Variants in MXRA5 observed in about 807,000 individuals in gnomAD.
MXRA5 encodes the protein matrix remodeling associated 5.
Under a neutral mutation model 112.5 loss-of-function variants are expected in MXRA5, and 41 were observed. That is an observed-to-expected ratio of 0.36 (90% CI 0.28 to 0.47). The LOEUF is 0.47. Among genes scored for constraint, MXRA5 ranks in the 20% least tolerant of loss-of-function variants. The probability of loss-of-function intolerance (pLI) is 0.99; values close to 1 mark genes in which losing one functional copy is unlikely to be tolerated. For missense variants in MXRA5, 2,150 were observed against 2,251.0 expected (o/e 0.96, Z 0.91); for synonymous variants, 862 against 900.8 (o/e 0.96, Z 0.77).
At position 3,310,861 on chromosome X, in the gene MXRA5, G is replaced by A; in HGVS notation, c.7342C>T (p.Pro2448Ser). The change falls in exon 7 of 7, where the codon CCC (proline) becomes TCC (serine). Residue 2448 changes from proline (P) to serine (S), a missense_variant. Physicochemically the swap from Pro to Ser is moderately conservative, Grantham distance 74. Around this residue, in one of 6 missense-constraint regions of MXRA5, gnomAD observed 93 missense variants for 135.5 expected, o/e 0.69. Coordinates refer to ENST00000217939, the MANE Select transcript of MXRA5 (RefSeq NM_015419.4). ...GCTATCTCCCGCACAGTGGTGATGG[G>A]GTTGGGGTTACCGTTGATCTTGGGT... The part of the protein sequence containing the change: ...QPPKINGNPN[P>S]ITTVREIAAG... 8.3e-7 allele frequency: 1 copy of A among 1,210,982 alleles called. No individual in the cohort carries two copies. The highest frequency in any genetic ancestry group is 1.1e-6 in the Non-Finnish European group (1 of 895,257).
intron 2 of MXRA5, among the ~76,000 whole-genome samples, chrX:3,340,647 C>T (rs1347011358): frequency 1.8e-5 from 2 of 110,401 alleles, no homozygotes; most frequent in African/African-American, 6.6e-5. Flanking sequence ...CAATCTTTAT[C>T]GTGAGTTGTT....
rs1921402722 is a variant in MXRA5 at position 3,324,358 on chromosome X, G to A, written c.1327C>T (p.Arg443Ter). The A allele has an allele frequency of 8.3e-7, 1 of 1,211,286 alleles. No homozygotes were observed. The highest frequency in any genetic ancestry group is 1.1e-6 in the Non-Finnish European group (1 of 895,448). Residue 443 changes from arginine (R) to a stop codon, truncating the protein, a stop_gained, in exon 5 of 7, where the codon CGA (arginine) becomes TGA (stop). Coordinates refer to ENST00000217939, the MANE Select transcript of MXRA5 (RefSeq NM_015419.4). LOFTEE classifies it high-confidence loss of function. ...ACCTTCTTGGCCGTACTCTGACGTC[G>A]GTTCAGCTGGATATCTATGGATGGC... ...MQPSIDIQLN[R>*]RQSTAKKVLL...
chrX:3,330,078 T>A lies in MXRA5; in HGVS notation c.649A>T (p.Asn217Tyr). 8.3e-7 allele frequency: 1 copy of A among 1,211,013 alleles called. No homozygotes were observed. The highest frequency in any genetic ancestry group is 1.1e-6 in the Non-Finnish European group (1 of 895,243). ...PLLENLYLQG[N>Y]PWTCDCEMRW... ...ATCTCACAATCGCAGGTCCACGGAT[T>A]TCCCTGCAAGTAAAGATTCTCCAGA... Residue 217 changes from asparagine (N) to tyrosine (Y), a missense_variant, in exon 4 of 7, where the codon AAT (asparagine) becomes TAT (tyrosine). Asn to Tyr is a moderately radical substitution (Grantham distance 143). This residue lies in a region of MXRA5 where 386 missense variants were observed against 411.0 expected (regional missense o/e 0.94). Transcript: ENST00000217939.
At chrX:3,311,827 C>T (rs1326304355) in intron 6 of MXRA5, among the ~76,000 whole-genome samples, 3 of 112,302 alleles carry the variant, frequency 2.7e-5, no homozygotes, top group Non-Finnish European at 5.6e-5. Context: ...CCTGTTGAAT[C>T]TGATGTTAGG....
Position 3,322,503 on chromosome X carries a change from T to C in MXRA5, c.3182A>G (p.Lys1061Arg). Residue 1061 changes from lysine (K) to arginine (R), a missense_variant, in exon 5 of 7, where the codon AAA becomes AGA. Lys to Arg is a conservative substitution (Grantham distance 26). Coordinates refer to ENST00000217939, the MANE Select transcript of MXRA5 (RefSeq NM_015419.4). ...QDTLLIKKGMKEMSQTLQGGN... is the reference protein window; with the variant it reads ...QDTLLIKKGMREMSQTLQGGN... The stretch of plus-strand genomic sequence containing the variant: ...TCCCTGTAGTGTCTGAGACATCTCT[T>C]TCATACCCTTTTTAATCAGTAAGGT... 8.3e-7 allele frequency: 1 copy of C among 1,211,346 alleles called. No individual in the cohort carries two copies. Among genetic ancestry groups the C allele is most frequent in the Non-Finnish European group, 1.1e-6 (1 of 895,354 alleles).
At chrX:3,316,646 G>A (rs1419433435) in intron 6 of MXRA5, among the ~76,000 whole-genome samples, 4 of 107,782 alleles carry the variant, frequency 3.7e-5, no homozygotes, top group Non-Finnish European at 3.8e-5. Context: ...TCCAGCCTGG[G>A]CAACAGAGTG....
chrX:3,324,664 C>T lies in MXRA5; in HGVS notation c.1021G>A (p.Asp341Asn), dbSNP rs769720962. 1 of 1,210,545 alleles carries T rather than the reference C, an allele frequency of 8.3e-7. No homozygotes were observed. The highest frequency in any genetic ancestry group is 1.1e-6 in the Non-Finnish European group (1 of 894,586). The stretch of plus-strand genomic sequence containing the variant: ...TGGTTCAAGTGAATCTTGTACACAT[C>T]CATTGGTTTCTTGATGTCACAGACC... ...NLVCDIKKPMDVYKIHLNQTD... is the reference protein window; with the variant it reads ...NLVCDIKKPMNVYKIHLNQTD... Residue 341 changes from aspartate (D) to asparagine (N), a missense_variant, in exon 5 of 7, where the codon GAT (aspartate) becomes AAT (asparagine). By Grantham distance (23) the Asp-to-Asn change is conservative. Coordinates refer to ENST00000217939, the MANE Select transcript of MXRA5 (RefSeq NM_015419.4).
chrX:3,317,263 G>T lies in MXRA5; in HGVS notation c.6418C>A (p.Gln2140Lys). 8.3e-7 allele frequency: 1 copy of T among 1,209,888 alleles called. No homozygotes were observed. The highest frequency in any genetic ancestry group is 1.8e-5 in the South Asian group (1 of 56,660). The change falls in exon 6 of 7, where the codon CAG becomes AAG. Residue 2140 changes from glutamine (Q) to lysine (K), a missense_variant. Physicochemically the swap from Gln to Lys is moderately conservative, Grantham distance 53. Coordinates refer to ENST00000217939, the MANE Select transcript of MXRA5 (RefSeq NM_015419.4). ...SARRTVQLNV[Q>K]RAAANARITG... ...ATGCGCGCGTTGGCTGCTGCACGCT[G>T]CACGTTCAGCTGCACCGTCCTGCGC...
intron 2 of MXRA5, among the ~76,000 whole-genome samples, chrX:3,334,953 G>A (rs1191002604): frequency 4.5e-5 from 5 of 111,082 alleles, no homozygotes; most frequent in African/African-American, 3.3e-5. Flanking sequence ...TCAGTTAATC[G>A]TCCCTGAATG....
rs1404865488 is a variant in MXRA5, at chrX:3,324,755, T to C, written c.930A>G (p.Lys310=). The C allele has an allele frequency of 7.4e-6, 9 of 1,209,502 alleles. No individual in the cohort carries two copies. Among genetic ancestry groups the C allele is most frequent in the Non-Finnish European group, 7.8e-6 (7 of 893,976 alleles). Residue 310 remains lysine, a synonymous_variant, in exon 5 of 7, where the codon AAA becomes AAG. Transcript: ENST00000217939. ...AGATGCTCCACTGGGGCAGTTGGAA[T>C]TTCTCCAGGATGAGCTGGCTGCCAC... ...EDGGSQLILE[K]FQLPQWSISL...
Position 3,321,059 on chromosome X carries a change from G to A in MXRA5, c.4626C>T (p.Thr1542=), listed in dbSNP as rs755273194. The change falls in exon 5 of 7, where the codon ACC becomes ACT. Residue 1542 remains threonine (T), a synonymous_variant. Coordinates refer to ENST00000217939, the MANE Select transcript of MXRA5 (RefSeq NM_015419.4). ...GCTGTGTTCCTTCATTGTTCACTGG[G>A]GTTGCTTCTGTTTCTGGATTCCCCA... The part of the protein sequence containing the change: ...NYVGNPETEA[T]PVNNEGTQHM... 6 of 1,210,097 alleles carry A rather than the reference G, an allele frequency of 5.0e-6. No individual in the cohort carries two copies. The highest frequency in any genetic ancestry group is 3.0e-5 in the East Asian group (1 of 33,777).
rs143391522 is a variant in MXRA5 at position 3,330,063 on chromosome X, C to T, written c.664G>A (p.Asp222Asn). 0.01 allele frequency: 12,568 copies of T among 1,209,012 alleles called. 58 individuals are homozygous for T. The highest frequency in any genetic ancestry group is 0.012 in the Non-Finnish European group (11,102 of 894,969). Residue 222 changes from aspartate to asparagine, a missense_variant, in exon 4 of 7, where the codon GAT becomes AAT. Physicochemically the swap from Asp to Asn is conservative, Grantham distance 23. Around this residue, in one of 6 missense-constraint regions of MXRA5, gnomAD observed 386 missense variants for 411.0 expected, o/e 0.94. Transcript: ENST00000217939. Reference sequence around the variant, plus strand: ...TCCAAAAACCATCTCATCTCACAATCGCAGGTCCACGGATTTCCCTGCAAG... The same window carrying T: ...TCCAAAAACCATCTCATCTCACAATTGCAGGTCCACGGATTTCCCTGCAAG... Reference protein sequence around the residue: ...LYLQGNPWTCDCEMRWFLEWD... With the variant: ...LYLQGNPWTCNCEMRWFLEWD...
chrX:3,341,421 A>G (rs1403208749), intron 2 of MXRA5, among the ~76,000 whole-genome samples: 12 of 17,940 alleles, frequency 6.7e-4, no homozygotes, highest in African/African-American at 2.0e-3. Context: ...ATTATATATA[A>G]TATATGTAAT....
In MXRA5 at chrX:3,310,923, T is replaced by C. The variant is rs1920981692; in HGVS notation, c.7280A>G (p.Asp2427Gly). The C allele has an allele frequency of 5.0e-6, 6 of 1,211,501 alleles. No individual in the cohort carries two copies. The highest frequency in any genetic ancestry group is 4.5e-6 in the Non-Finnish European group (4 of 895,497). Residue 2427 changes from aspartate (D) to glycine (G), a missense_variant, in exon 7 of 7, where the codon GAT (aspartate) becomes GGT (glycine). Physicochemically the swap from Asp to Gly is moderately conservative, Grantham distance 94. Transcript: ENST00000217939. Reference sequence around the variant, plus strand: ...GACGTGAATCCACACCGTCTTCCTATCCTCTCCCGCGCTGTTCCTGACCAA... The same window carrying C: ...GACGTGAATCCACACCGTCTTCCTACCCTCTCCCGCGCTGTTCCTGACCAA... Reference protein sequence around the residue: ...TCLVRNSAGEDRKTVWIHVNV... With the variant: ...TCLVRNSAGEGRKTVWIHVNV...
rs1921262384 is a variant in MXRA5 at position 3,320,321 on chromosome X, C to T, written c.5364G>A (p.Pro1788=). 4 of 1,211,428 alleles carry T rather than the reference C, an allele frequency of 3.3e-6. No homozygotes were observed. The highest frequency in any genetic ancestry group is 3.5e-5 in the South Asian group (2 of 56,894). Residue 1788 remains proline, a synonymous_variant, in exon 5 of 7, where the codon CCG becomes CCA. Coordinates refer to ENST00000217939, the MANE Select transcript of MXRA5 (RefSeq NM_015419.4). ...CCGTGGTCTGCGGAGTGTGCAACAACGGAGGTGCCGGAGGGCCAAAGTCCA... is the reference window on the plus strand; with the variant it reads ...CCGTGGTCTGCGGAGTGTGCAACAATGGAGGTGCCGGAGGGCCAAAGTCCA... ...FHLDFGPPAP[P]LLHTPQTTGS...
In MXRA5 at chrX:3,311,135, A is replaced by C; in HGVS notation, c.7068T>G (p.Val2356=). 8.3e-7 allele frequency: 1 copy of C among 1,211,526 alleles called. No individual in the cohort carries two copies. Reference sequence around the variant, plus strand: ...TGACCACGTCTCCATAGGGCACCTGAACCGCCAAGTAAGTCTTGTTCCGGA... The same window carrying C: ...TGACCACGTCTCCATAGGGCACCTGCACCGCCAAGTAAGTCTTGTTCCGGA... ...ATIRNKTYLA[V]QVPYGDVVTV... is the part of the protein sequence containing the mutation. Residue 2356 remains valine, a synonymous_variant, in exon 7 of 7, where the codon GTT becomes GTG. Coordinates refer to ENST00000217939, the MANE Select transcript of MXRA5 (RefSeq NM_015419.4).
chrX:3,330,141 T>C lies in MXRA5; in HGVS notation c.586A>G (p.Arg196Gly). ...RHLYLAENMV[R>G]TLPASMLRNM... ...CGAAGCATGCTGGCAGGAAGAGTTC[T>C]AACCATGTTCTCTGCTAAGTAGAGG... The change falls in exon 4 of 7, where the codon AGA becomes GGA. Residue 196 changes from arginine to glycine, a missense_variant. Arg to Gly is a moderately radical substitution (Grantham distance 125). Transcript: ENST00000217939. The C allele has an allele frequency of 1.7e-6, 2 of 1,209,579 alleles. No homozygotes were observed. Among genetic ancestry groups the C allele is most frequent in the Non-Finnish European group, 2.2e-6 (2 of 894,307 alleles).
At chrX:3,326,284 T>C (rs1350783952) in intron 4 of MXRA5, among the ~76,000 whole-genome samples, 19 of 10,934 alleles carry the variant, frequency 1.7e-3, no homozygotes, top group African/African-American at 4.1e-3. Context: ...TATAACTCTC[T>C]ATATATTTAT....
chrX:3,326,495 G>A (rs1032272160), intron 4 of MXRA5, among the ~76,000 whole-genome samples: 3 of 101,925 alleles, frequency 2.9e-5, no homozygotes, highest in Non-Finnish European at 5.9e-5. Context: ...ATGTATCTAG[G>A]TAACTATATC....
Sources: allele counts gnomAD v4.1 joint callset (sites outside exome capture counted in the v4.1 genomes callset), GRCh38; gene constraint gnomAD v4.1.1; regional missense constraint gnomAD v4.1.1; transcripts MANE v1.5; gene names NCBI Gene and HGNC (gene_info 2026-07-23, HGNC 2026-07-21).